The following RNF145 variants were observed in gnomAD, a reference collection of about 807,000 sequenced individuals.
RNF145 encodes ring finger protein 145.
A neutral mutation model predicts 57.3 loss-of-function variants in RNF145; 12 were observed. That is an observed-to-expected ratio of 0.21 (90% CI 0.13 to 0.34). RNF145 has a LOEUF of 0.34. Ranked by LOEUF, RNF145 falls within the 10% of genes least tolerant of loss-of-function variation. The pLI is 1.00. For missense variants in RNF145, 429 were observed against 799.0 expected (o/e 0.54, Z 5.58); for synonymous variants, 262 against 288.3 (o/e 0.91, Z 0.92).
In RNF145 at chr5:159,187,541, C is replaced by A. The variant is rs549544061; in HGVS notation, c.294-5490G>T. Among the ~76,000 whole-genome samples the A allele has an allele frequency of 5.9e-5, 9 of 152,118 alleles. No individual in the cohort carries two copies. In the East Asian group the frequency reaches 1.4e-3, roughly 23 times the overall value. ...ACGGGGTTTCACTATGTTGGCCAGGCTGGTCTCGAATGCCTGACCTTGTGA... is the reference window on the plus strand; with the variant it reads ...ACGGGGTTTCACTATGTTGGCCAGGATGGTCTCGAATGCCTGACCTTGTGA... On this transcript the variant is annotated intron_variant, in intron 3 of 10. Transcript: ENST00000424310.
rs1321356950 is a variant in RNF145, at chr5:159,162,971, A to C, written c.1230T>G (p.Leu410=). ...ICQFFHMDFW[L]LIIISSSILT... ...GAATGCTGCTGGAAATAATGATAAGAAGCCAAAAATCCATGTGGAAAAACT... is the reference window on the plus strand; with the variant it reads ...GAATGCTGCTGGAAATAATGATAAGCAGCCAAAAATCCATGTGGAAAAACT... Residue 410 remains leucine (L), a synonymous_variant, in exon 9 of 11, where the codon CTT becomes CTG. Coordinates refer to ENST00000424310, the MANE Select transcript of RNF145 (RefSeq NM_001199383.2). The C allele has an allele frequency of 2.5e-6, 4 of 1,613,150 alleles. No individual in the cohort carries two copies. Among genetic ancestry groups the C allele is most frequent in the Non-Finnish European group, 3.4e-6 (4 of 1,179,730 alleles).
chr5:159,198,684 C>A (rs1289613614), intron 2 of RNF145, among the ~76,000 whole-genome samples: 1 of 152,112 alleles, frequency 6.6e-6, no homozygotes, highest in Non-Finnish European at 1.5e-5. Context: ...ATTGAAATGT[C>A]CATAGGCTAT....
Position 159,196,278 on chromosome 5 carries a change from T to G in RNF145, c.185-1454A>C, listed in dbSNP as rs113030386. On this transcript the variant is annotated intron_variant, in intron 2 of 10. Transcript: ENST00000424310. Reference sequence around the variant, plus strand: ...TTAAGCTCATCAGCTATCACTAGTGTTAGCATATTTTATGTGTGGCCCAAG... The same window carrying G: ...TTAAGCTCATCAGCTATCACTAGTGGTAGCATATTTTATGTGTGGCCCAAG... Among the ~76,000 whole-genome samples, 237 of 151,850 alleles carry G rather than the reference T, an allele frequency of 1.6e-3. 1 individual carries two copies. The highest frequency in any genetic ancestry group is 5.4e-3 in the African/African-American group (223 of 41,408).
chr5:159,172,162 T>A (rs947996726), intron 6 of RNF145, among the ~76,000 whole-genome samples: 1 of 152,186 alleles, frequency 6.6e-6, no homozygotes, highest in African/African-American at 2.4e-5. Flanking sequence ...ACTGTCTCTC[T>A]TTCTCTCTAT....
rs1289060525 is a variant in RNF145 at position 159,209,546 on chromosome 5, C to A, written c.-355G>T. On this transcript the variant is annotated 5_prime_UTR_variant, in exon 1 of 11. Coordinates refer to ENST00000424310, the MANE Select transcript of RNF145 (RefSeq NM_001199383.2). ...CTGCGTTTGCTCCTCCCGCCCCCGG[C>A]GCTCTGCGGCGGCCGCGGCCCGACT... 3 of 981,868 alleles carry A rather than the reference C, an allele frequency of 3.1e-6. No homozygotes were observed. Among genetic ancestry groups the A allele is most frequent in the Non-Finnish European group, 3.6e-6 (3 of 827,758 alleles). 60.8% of individuals were successfully genotyped at this position (981,868 alleles called of 1,614,324 possible). A position where few individuals can be genotyped will look rare whatever the true frequency, so the allele number is the denominator to read the frequency against.
At chr5:159,202,794 G>A (rs1241053365) in intron 2 of RNF145, among the ~76,000 whole-genome samples, 2 of 151,724 alleles carry the variant, frequency 1.3e-5, no homozygotes, top group East Asian at 3.9e-4. Flanking sequence ...TTTATTCTAG[G>A]TAAATTTTAT....
chr5:159,167,389 TCTC>T lies in RNF145; in HGVS notation c.1121+1481_1121+1483del, dbSNP rs574691526. Among the ~76,000 whole-genome samples, 10 of 152,260 alleles carry T rather than the reference TCTC, an allele frequency of 6.6e-5. No individual in the cohort carries two copies. The East Asian group carries it at 1.7e-3, about 26-fold the overall frequency. ...CTCAGTTTGCTCCTTTTTCTCTAAATCTCCTCTGCATCTAATTTTGGAGAAAGC... is the reference window on the plus strand; with the variant it reads ...CTCAGTTTGCTCCTTTTTCTCTAAATCTCTGCATCTAATTTTGGAGAAAGC... On this transcript the variant is annotated intron_variant, in intron 8 of 10. Coordinates refer to ENST00000424310, the MANE Select transcript of RNF145 (RefSeq NM_001199383.2).
rs749632192 is a variant in RNF145 at position 159,158,856 on chromosome 5, G to A, written c.1806C>T (p.Asn602=). Residue 602 remains asparagine (N), a synonymous_variant, in exon 11 of 11, where the codon AAC becomes AAT. Transcript: ENST00000424310. ...GTTCAGTACCTTCCTGAAACATGAC[G>A]TTTTGCTCAGCTCCAGCATGAGGCT... ...VLQPHAGAEQ[N]VMFQEGTEPP... 7.4e-6 allele frequency: 12 copies of A among 1,613,888 alleles called. No individual in the cohort carries two copies. Among genetic ancestry groups the A allele is most frequent in the African/African-American group, 1.3e-5 (1 of 74,994 alleles).
At chr5:159,201,244 C>T (rs1441335988) in intron 2 of RNF145, among the ~76,000 whole-genome samples, 4 of 152,096 alleles carry the variant, frequency 2.6e-5, no homozygotes, top group East Asian at 1.9e-4. Context: ...CCTGAGTATG[C>T]GCAGATTTTG....
intron 3 of RNF145, among the ~76,000 whole-genome samples, chr5:159,190,702 A>C (rs1420226071): frequency 1.4e-5 from 2 of 141,454 alleles, no homozygotes; most frequent in African/African-American, 5.3e-5. Flanking sequence ...AAAAAAAAAA[A>C]GATACTTGGT....
intron 9 of RNF145, 123 bp downstream of exon 9, chr5:159,162,809 G>T: frequency 1.5e-6 from 1 of 689,482 alleles, no homozygotes; most frequent in East Asian, 2.8e-5. Flanking sequence ...AGTAAAGAGA[G>T]AGAGAAGTTA....
intron 6 of RNF145, among the ~76,000 whole-genome samples, chr5:159,173,375 T>C (rs1784616611): frequency 6.6e-6 from 1 of 152,192 alleles, no homozygotes; most frequent in Non-Finnish European, 1.5e-5. Flanking sequence ...AGTAAAGTAC[T>C]ATTATCTACC....
In RNF145 at chr5:159,158,887, A is replaced by T. The variant is rs1195307037; in HGVS notation, c.1775T>A (p.Val592Asp). ...CTCAGCTCCAGCATGAGGCTGTAGA[A>T]CTGGCTCAGTTCCTAATCCTGGAAG... ...SQLPGLGTEP[V>D]LQPHAGAEQN... The change falls in exon 11 of 11, where the codon GTT becomes GAT. Residue 592 changes from valine (V) to aspartate (D), a missense_variant. This residue lies in a region of RNF145 where 102 missense variants were observed against 106.2 expected (regional missense o/e 0.96). Transcript: ENST00000424310. The T allele has an allele frequency of 6.2e-7, 1 of 1,613,926 alleles. No individual in the cohort carries two copies. The highest frequency in any genetic ancestry group is 8.5e-7 in the Non-Finnish European group (1 of 1,179,860).
rs1785745295 is a variant in RNF145 at position 159,203,552 on chromosome 5, C to T, written c.66G>A (p.Leu22=). ...CATCCCATCTGTACAGGACATCCAACAGCATGATGCTTGGCACCCTCAGGG... is the reference window on the plus strand; with the variant it reads ...CATCCCATCTGTACAGGACATCCAATAGCATGATGCTTGGCACCCTCAGGG... The part of the protein sequence containing the change: ...NVALRVPSIM[L]LDVLYRWDVS... The change falls in exon 2 of 11, where the codon CTG becomes CTA. Residue 22 remains leucine, a synonymous_variant. Transcript: ENST00000424310. 1.2e-6 allele frequency: 2 copies of T among 1,613,844 alleles called. No homozygotes were observed. Among genetic ancestry groups the T allele is most frequent in the South Asian group, 2.2e-5 (2 of 91,078 alleles).
At chr5:159,169,614 A>G (rs1244982978) in intron 7 of RNF145, 65 bp downstream of exon 7, 1 of 1,329,736 alleles carries the variant, frequency 7.5e-7, no homozygotes, top group African/African-American at 1.5e-5. Context: ...AAAGAAATTC[A>G]TCATTACTTC....
intron 3 of RNF145, among the ~76,000 whole-genome samples, chr5:159,188,056 T>C (rs971745376): frequency 6.6e-6 from 1 of 152,170 alleles, no homozygotes; most frequent in Admixed American, 6.5e-5. Context: ...ATCCAATATG[T>C]TGGTTCATAA....
Position 159,164,026 on chromosome 5 carries a change from G to T in RNF145, c.1122-947C>A, listed in dbSNP as rs77199862. On this transcript the variant is annotated intron_variant, in intron 8 of 10. Coordinates refer to ENST00000424310, the MANE Select transcript of RNF145 (RefSeq NM_001199383.2). ...TGATATGTTCTCAAATCCAAGTAAAGCATCTCAAAGAGACACAAATAACAT... is the reference window on the plus strand; with the variant it reads ...TGATATGTTCTCAAATCCAAGTAAATCATCTCAAAGAGACACAAATAACAT... 7.7e-3 allele frequency among the ~76,000 whole-genome samples: 1,170 copies of T among 152,226 alleles called. 9 individuals are homozygous for T. The highest frequency in any genetic ancestry group is 0.044 in the Middle Eastern group (13 of 294).
chr5:159,206,972 A>AC (rs1339072051), intron 1 of RNF145, among the ~76,000 whole-genome samples: 1 of 152,118 alleles, frequency 6.6e-6, no homozygotes, highest in African/African-American at 2.4e-5. Context: ...AAAAAAAAAA[A>AC]AGGCATTTCT....
rs1443492680 is a variant in RNF145 at position 159,208,917 on chromosome 5, CG to C, written c.-40+313del. On this transcript the variant is annotated intron_variant, in intron 1 of 10. Transcript: ENST00000424310. ...CTGGGAAGAGGAAGGGATGGGAGGG[CG>C]GGGAGGCAGCCGAGGCCCGGGAGCT... Among the ~76,000 whole-genome samples, 5 of 110,632 alleles carry C rather than the reference CG, an allele frequency of 4.5e-5. No homozygotes were observed. In the Admixed American group the frequency reaches 4.7e-4, roughly 10 times the overall value. The allele number at this position is 110,632 out of a possible 152,430, so 72.6% of individuals were successfully genotyped here.
Sources: gnomAD v4.1 joint callset for allele counts (sites outside exome capture counted in the v4.1 genomes callset) on GRCh38, gnomAD v4.1.1 for gene constraint, gnomAD v4.1.1 regional missense constraint, MANE v1.5 for transcripts, NCBI Gene and HGNC (gene_info 2026-07-23, HGNC 2026-07-21) for gene names.